Variants in AKAP19 observed in about 807,000 individuals in gnomAD.
AKAP19 encodes small A-kinase anchoring protein.
At chr2:190,104,121 G>T in the AKAP19 span, among the ~76,000 whole-genome samples, 1 of 152,176 alleles carries the variant, frequency 6.6e-6, no homozygotes, top group African/African-American at 2.4e-5. Context: ...TGCTAGGATA[G>T]CTGGCTAGCC....
At chr2:190,069,672 T>C in the AKAP19 span, among the ~76,000 whole-genome samples, 1 of 152,204 alleles carries the variant, frequency 6.6e-6, no homozygotes, top group Non-Finnish European at 1.5e-5. Flanking sequence ...AGTCATTCCA[T>C]TTCCAAATTC....
the AKAP19 span, among the ~76,000 whole-genome samples, chr2:190,038,907 C>T: frequency 1.3e-5 from 1 of 75,948 alleles, no homozygotes; most frequent in African/African-American, 9.7e-5. Flanking sequence ...TTTCTTTCTT[C>T]TTCTTCTTCT....
the AKAP19 span, chr2:190,057,044 G>A: frequency 1.8e-6 from 1 of 551,560 alleles, no homozygotes; most frequent in South Asian, 2.4e-5. Flanking sequence ...CAAAAACTCT[G>A]GAAATCATAA....
chr2:190,032,570 T>C, the AKAP19 span, among the ~76,000 whole-genome samples: 1 of 152,224 alleles, frequency 6.6e-6, no homozygotes, highest in African/African-American at 2.4e-5. Context: ...TCACCCCTAC[T>C]AATGTGCCTT....
the AKAP19 span, among the ~76,000 whole-genome samples, chr2:190,008,562 T>C: frequency 6.6e-6 from 1 of 152,190 alleles, no homozygotes; most frequent in Non-Finnish European, 1.5e-5. Flanking sequence ...GATTTTTAAT[T>C]AGAGCTTTAT....
the AKAP19 span, among the ~76,000 whole-genome samples, chr2:190,034,901 GA>G: frequency 6.8e-6 from 1 of 146,780 alleles, no homozygotes; most frequent in Admixed American, 6.8e-5. Flanking sequence ...GCTAATTATG[GA>G]AAAGTTTTAA....
At chr2:189,884,406 C>T in the AKAP19 span, among the ~76,000 whole-genome samples, 3 of 152,032 alleles carry the variant, frequency 2.0e-5, no homozygotes, top group South Asian at 2.1e-4. Context: ...GTATGATACT[C>T]GTTATCTATT....
the AKAP19 span, among the ~76,000 whole-genome samples, chr2:190,099,190 G>A: frequency 1.3e-5 from 2 of 152,190 alleles, no homozygotes; most frequent in Non-Finnish European, 2.9e-5. Flanking sequence ...TGGCATAAGA[G>A]GCCTACCTTT....
the AKAP19 span, among the ~76,000 whole-genome samples, chr2:189,974,749 TC>T: frequency 2.6e-5 from 4 of 152,214 alleles, no homozygotes; most frequent in African/African-American, 4.8e-5. Flanking sequence ...GTTCTTTGTC[TC>T]TTTTGATCTT....
the AKAP19 span, among the ~76,000 whole-genome samples, chr2:190,086,413 T>G: frequency 6.6e-6 from 1 of 152,196 alleles, no homozygotes; most frequent in Non-Finnish European, 1.5e-5. Flanking sequence ...TTCTCACTAC[T>G]TATCACTTCC....
At chr2:190,055,730 ATATAACT>A in the AKAP19 span, 1 of 152,208 alleles carries the variant, frequency 6.6e-6, no homozygotes, top group Non-Finnish European at 1.5e-5. Flanking sequence ...AAACACTTTA[ATATAACT>A]TATACTGTTT....
At chr2:189,996,068 G>A in the AKAP19 span, among the ~76,000 whole-genome samples, 1 of 152,134 alleles carries the variant, frequency 6.6e-6, no homozygotes, top group Non-Finnish European at 1.5e-5. Context: ...TGATGACTAT[G>A]TGCCTATGTA....
chr2:190,070,939 T>C, the AKAP19 span, among the ~76,000 whole-genome samples: 1 of 152,118 alleles, frequency 6.6e-6, no homozygotes, highest in African/African-American at 2.4e-5. Context: ...TGGGTAAGCA[T>C]TGAATGTACA....
chr2:189,917,484 G>A, the AKAP19 span: 2 of 675,826 alleles, frequency 3.0e-6, no homozygotes, highest in East Asian at 5.5e-5. Flanking sequence ...CTTTGAAACA[G>A]ATATTCTGCT....
the AKAP19 span, among the ~76,000 whole-genome samples, chr2:189,881,107 A>G: frequency 6.6e-6 from 1 of 151,948 alleles, no homozygotes; most frequent in African/African-American, 2.4e-5. Context: ...ATAAGTACTG[A>G]AAAAAAACAA....
the AKAP19 span, among the ~76,000 whole-genome samples, chr2:190,055,513 T>C: frequency 6.6e-6 from 1 of 152,100 alleles, no homozygotes; most frequent in Non-Finnish European, 1.5e-5. Flanking sequence ...GAAACAGATA[T>C]AACTACTCCT....
the AKAP19 span, among the ~76,000 whole-genome samples, chr2:189,964,572 T>C: frequency 6.6e-6 from 1 of 152,232 alleles, no homozygotes; most frequent in African/African-American, 2.4e-5. Flanking sequence ...TGTTGTTTAG[T>C]GTAGCCACCT....
At chr2:189,950,336 T>TG in the AKAP19 span, among the ~76,000 whole-genome samples, 4 of 149,056 alleles carry the variant, frequency 2.7e-5, no homozygotes, top group Admixed American at 2.0e-4. Flanking sequence ...CCTTTTTTGT[T>TG]TTTTTTTTTT....
chr2:190,130,567 A>G, the AKAP19 span, among the ~76,000 whole-genome samples: 1 of 152,208 alleles, frequency 6.6e-6, no homozygotes. Context: ...GTTGTTGGTA[A>G]GATTCAACTA....
Sources: gnomAD v4.1 joint callset for allele counts (sites outside exome capture counted in the v4.1 genomes callset) on GRCh38, gnomAD v4.1.1 for gene constraint, MANE v1.5 for transcripts, NCBI Gene and HGNC (gene_info 2026-07-23, HGNC 2026-07-21) for gene names.